Variants in APBA2 observed in about 807,000 individuals in gnomAD.
APBA2 encodes amyloid-beta A4 precursor protein-binding family A member 2.
APBA2 carries 30 observed loss-of-function variants against 75.0 expected under a neutral mutation model. That is an observed-to-expected ratio of 0.40 (90% CI 0.30 to 0.54). APBA2 has a LOEUF of 0.54. Ranked by LOEUF, APBA2 falls within the 20% of genes least tolerant of loss-of-function variation. The pLI is 0.49. For synonymous variants in APBA2, 444 were observed against 409.6 expected (o/e 1.08, Z -1.01); for missense variants, 801 against 1,016.1 (o/e 0.79, Z 2.88).
intron 2 of APBA2, among the ~76,000 whole-genome samples, chr15:28,951,648 G>T (rs776080722): frequency 6.6e-6 from 1 of 151,908 alleles, no homozygotes; most frequent in Non-Finnish European, 1.5e-5. Flanking sequence ...GCAGTGGCAC[G>T]ATCTCCACTC....
At chr15:29,087,170 G>A (rs1337407444) in intron 6 of APBA2, among the ~76,000 whole-genome samples, 1 of 152,214 alleles carries the variant, frequency 6.6e-6, no homozygotes, top group Non-Finnish European at 1.5e-5. Flanking sequence ...GTTCAGGAGT[G>A]TTTGGGTGGT....
intron 3 of APBA2, among the ~76,000 whole-genome samples, chr15:29,033,199 C>T (rs2040569127): frequency 1.3e-5 from 2 of 152,196 alleles, no homozygotes; most frequent in Admixed American, 6.5e-5. Context: ...GAAGGACGAT[C>T]TGGGATCAGG....
intron 13 of APBA2, among the ~76,000 whole-genome samples, chr15:29,110,877 G>C (rs1401670889): frequency 6.6e-6 from 1 of 152,196 alleles, no homozygotes; most frequent in African/African-American, 2.4e-5. Flanking sequence ...GTGAAGTCAA[G>C]GCGGAGGGCA....
In APBA2 at chr15:29,110,709, G is replaced by A. The variant is rs530180712; in HGVS notation, c.2037+2320G>A. On this transcript the variant is annotated intron_variant, in intron 13 of 14. Transcript: ENST00000683413. ...GCCATGTGGAGCACTGGTGGGGAGA[G>A]GGGGAGAAGAGATGAGGAAGGGAAG... 2.6e-5 allele frequency among the ~76,000 whole-genome samples: 4 copies of A among 152,322 alleles called. No individual in the cohort carries two copies. In the East Asian group the frequency reaches 7.7e-4, roughly 29 times the overall value.
chr15:28,906,107 T>C (rs187778311), intron 1 of APBA2, among the ~76,000 whole-genome samples: 179 of 152,320 alleles, frequency 1.2e-3, no homozygotes, highest in Non-Finnish European at 2.0e-3. Context: ...GAGATCCTAT[T>C]GTAAATAAGA....
chr15:28,900,154 C>T (rs145968819), intron 1 of APBA2, among the ~76,000 whole-genome samples: 5,886 of 152,266 alleles, frequency 0.039, 397 homozygotes, highest in African/African-American at 0.13. Context: ...CTTGACCCTG[C>T]GCCCCGTGGG....
chr15:29,079,025 G>A (rs2042974292), intron 6 of APBA2, among the ~76,000 whole-genome samples: 1 of 152,210 alleles, frequency 6.6e-6, no homozygotes, highest in Admixed American at 6.5e-5. Flanking sequence ...ACTGTATCTA[G>A]ATGGGAAAAT....
intron 1 of APBA2, among the ~76,000 whole-genome samples, chr15:28,886,630 C>A (rs1375061435): frequency 6.6e-6 from 1 of 152,126 alleles, no homozygotes; most frequent in African/African-American, 2.4e-5. Flanking sequence ...CGCTCGACTC[C>A]TGCCGGGCTG....
chr15:29,086,879 A>C (rs914183239), intron 6 of APBA2, among the ~76,000 whole-genome samples: 2 of 152,258 alleles, frequency 1.3e-5, no homozygotes, highest in Non-Finnish European at 2.9e-5. Flanking sequence ...TAAACAACAC[A>C]GGATGTATGC....
In APBA2 at chr15:29,055,997, C is replaced by T. The variant is rs188374933; in HGVS notation, c.951+1162C>T. Among the ~76,000 whole-genome samples, 4 of 152,260 alleles carry T rather than the reference C, an allele frequency of 2.6e-5. No individual in the cohort carries two copies. The South Asian group carries it at 8.3e-4, about 32-fold the overall frequency. ...CCTGGGTCTGGGCTTTAGGCCAAAGCAAAGTGTTTCTTTGGTCTTTAGCAG... is the reference window on the plus strand; with the variant it reads ...CCTGGGTCTGGGCTTTAGGCCAAAGTAAAGTGTTTCTTTGGTCTTTAGCAG... On this transcript the variant is annotated intron_variant, in intron 4 of 14. Coordinates refer to ENST00000683413, the MANE Select transcript of APBA2 (RefSeq NM_001353788.2).
intron 1 of APBA2, chr15:28,895,411 C>G (rs1057289493): frequency 9.2e-5 from 14 of 152,516 alleles, no homozygotes; most frequent in African/African-American, 3.4e-4. Context: ...GGATGATGGG[C>G]TCCAGAGGCC....
At chr15:29,041,703 A>G (rs531744185) in intron 3 of APBA2, among the ~76,000 whole-genome samples, 4 of 152,258 alleles carry the variant, frequency 2.6e-5, no homozygotes, top group Admixed American at 2.6e-4. Flanking sequence ...ATCGACCTAT[A>G]GATTCATTGC....
At chr15:28,913,001 A>G (rs1333300621) in intron 1 of APBA2, among the ~76,000 whole-genome samples, 2 of 152,218 alleles carry the variant, frequency 1.3e-5, no homozygotes, top group Non-Finnish European at 2.9e-5. Context: ...AGGAGCTTGC[A>G]TTCTAGTATT....
At chr15:28,915,045 A>G (rs1180423060) in intron 1 of APBA2, among the ~76,000 whole-genome samples, 1 of 135,778 alleles carries the variant, frequency 7.4e-6, no homozygotes, top group Non-Finnish European at 1.6e-5. Context: ...TACCATGCCT[A>G]CCTCACACAC....
At chr15:29,075,106 C>A in intron 5 of APBA2, 105 bp downstream of exon 5, 1 of 897,760 alleles carries the variant, frequency 1.1e-6, no homozygotes, top group Non-Finnish European at 1.8e-6. Flanking sequence ...GTTCTCATCC[C>A]ACCCGGTGCC....
intron 1 of APBA2, among the ~76,000 whole-genome samples, chr15:28,912,226 C>A (rs771286184): frequency 5.9e-5 from 9 of 152,122 alleles, no homozygotes; most frequent in Non-Finnish European, 1.0e-4. Context: ...TGCTACTTCC[C>A]ATCCATTTTG....
At chr15:28,952,997 G>C (rs1595553065) in intron 2 of APBA2, among the ~76,000 whole-genome samples, 1 of 152,144 alleles carries the variant, frequency 6.6e-6, no homozygotes, top group East Asian at 1.9e-4. Context: ...ATCAGGAAAA[G>C]GAAGAACAGG....
chr15:29,107,898 A>C (rs1440661089), intron 12 of APBA2, among the ~76,000 whole-genome samples: 1 of 152,118 alleles, frequency 6.6e-6, no homozygotes, highest in African/African-American at 2.4e-5. Flanking sequence ...AGCTGTCCCG[A>C]ATTCGGCATG....
chr15:29,019,220 C>T (rs1389394561), intron 3 of APBA2, among the ~76,000 whole-genome samples: 2 of 152,226 alleles, frequency 1.3e-5, no homozygotes, highest in Non-Finnish European at 2.9e-5. Flanking sequence ...CTCTCCCTTT[C>T]CCCCTCCTGT....
Sources: allele counts gnomAD v4.1 joint callset (sites outside exome capture counted in the v4.1 genomes callset), GRCh38; gene constraint gnomAD v4.1.1; transcripts MANE v1.5; gene names NCBI Gene and HGNC (gene_info 2026-07-23, HGNC 2026-07-21).